The following HS6ST3 variants were observed in gnomAD, a reference collection of about 807,000 sequenced individuals.
The protein encoded by HS6ST3 is heparan sulfate 6-O-sulfotransferase 3.
In HS6ST3, 12 loss-of-function variants were observed where a neutral mutation model predicts 36.7. That is an observed-to-expected ratio of 0.33 (90% confidence interval 0.21 to 0.53). The LOEUF (loss-of-function observed/expected upper bound fraction) is 0.53, where lower values mean the gene tolerates loss of function less well. HS6ST3 is among the 20% of genes least tolerant of loss of function. HS6ST3 has a pLI of 0.95. For synonymous variants in HS6ST3, 240 were observed against 257.5 expected (o/e 0.93, Z 0.65); for missense variants, 584 against 640.9 (o/e 0.91, Z 0.96).
intron 1 of HS6ST3, among the ~76,000 whole-genome samples, chr13:96,162,419 A>C (rs2054139895): frequency 6.6e-6 from 1 of 152,228 alleles, no homozygotes; most frequent in South Asian, 2.1e-4. Flanking sequence ...GCCACTGAAT[A>C]CTGGAAGAAA....
At chr13:96,459,856 G>A (rs924781047) in intron 1 of HS6ST3, among the ~76,000 whole-genome samples, 6 of 152,084 alleles carry the variant, frequency 3.9e-5, no homozygotes, top group South Asian at 2.1e-4. Context: ...AGCTGGGTAC[G>A]GTGTGTGCAT....
At chr13:96,797,781 G>A (rs746467179) in intron 1 of HS6ST3, among the ~76,000 whole-genome samples, 5 of 152,086 alleles carry the variant, frequency 3.3e-5, no homozygotes, top group Non-Finnish European at 5.9e-5. Flanking sequence ...ACCAAGCAGT[G>A]TGTGGGGATT....
At chr13:96,314,412 A>G (rs140921767) in intron 1 of HS6ST3, among the ~76,000 whole-genome samples, 25 of 152,272 alleles carry the variant, frequency 1.6e-4, no homozygotes, top group Admixed American at 4.6e-4. Context: ...TAACTTTATT[A>G]TTTTTCAGAT....
At chr13:96,576,785 A>T (rs1329335888) in intron 1 of HS6ST3, among the ~76,000 whole-genome samples, 1 of 151,818 alleles carries the variant, frequency 6.6e-6, no homozygotes, top group South Asian at 2.1e-4. Context: ...TCTACTAAAA[A>T]TATAAAAAAT....
At chr13:96,358,901 TATCTATCTATCTATCTAGAG>T (rs1291373911) in intron 1 of HS6ST3, among the ~76,000 whole-genome samples, 1 of 152,046 alleles carries the variant, frequency 6.6e-6, no homozygotes, top group African/African-American at 2.4e-5. Flanking sequence ...TCTATCTATC[TATCTATCTATCTATCTAGAG>T]AGAGATGACA....
intron 1 of HS6ST3, among the ~76,000 whole-genome samples, chr13:96,714,650 T>G (rs975248977): frequency 3.3e-5 from 5 of 152,198 alleles, no homozygotes; most frequent in African/African-American, 1.2e-4. Context: ...CTACATAGCC[T>G]AGAACAATGC....
chr13:96,692,361 A>G (rs1416866321), intron 1 of HS6ST3, among the ~76,000 whole-genome samples: 1 of 152,114 alleles, frequency 6.6e-6, no homozygotes, highest in African/African-American at 2.4e-5. Flanking sequence ...TTGTTATAAC[A>G]TATTATTTAG....
chr13:96,515,296 C>A (rs374219368), intron 1 of HS6ST3, among the ~76,000 whole-genome samples: 3 of 152,260 alleles, frequency 2.0e-5, no homozygotes, highest in East Asian at 3.9e-4. Flanking sequence ...TTGAATGAGT[C>A]CACAGTACAC....
chr13:96,597,188 G>C (rs534868925), intron 1 of HS6ST3, among the ~76,000 whole-genome samples: 1 of 152,172 alleles, frequency 6.6e-6, no homozygotes, highest in African/African-American at 2.4e-5. Context: ...GAGCCTACTG[G>C]AGGGCGAAGG....
chr13:96,197,065 A>T (rs2054317926), intron 1 of HS6ST3, among the ~76,000 whole-genome samples: 1 of 152,262 alleles, frequency 6.6e-6, no homozygotes, highest in Admixed American at 6.5e-5. Context: ...CAATGACATG[A>T]CAAGTGATTG....
chr13:96,326,481 T>A (rs1047052863), intron 1 of HS6ST3, among the ~76,000 whole-genome samples: 3 of 152,026 alleles, frequency 2.0e-5, no homozygotes, highest in African/African-American at 7.2e-5. Flanking sequence ...CCCAGCTTCA[T>A]CCATGTCCCT....
intron 1 of HS6ST3, among the ~76,000 whole-genome samples, chr13:96,777,906 C>CCT (rs1877429888): frequency 6.6e-6 from 1 of 152,156 alleles, no homozygotes; most frequent in Non-Finnish European, 1.5e-5. Context: ...AGGCATCATG[C>CCT]TACCTGACTT....
At chr13:96,294,722 C>T (rs983648934) in intron 1 of HS6ST3, among the ~76,000 whole-genome samples, 1 of 152,070 alleles carries the variant, frequency 6.6e-6, no homozygotes, top group African/African-American at 2.4e-5. Context: ...CTAAACCAGG[C>T]TGTTTTTATT....
At chr13:96,763,620 C>T (rs1253972706) in intron 1 of HS6ST3, among the ~76,000 whole-genome samples, 2 of 152,078 alleles carry the variant, frequency 1.3e-5, no homozygotes, top group East Asian at 1.9e-4. Flanking sequence ...CTAACTGCAT[C>T]GAGTTCAAAT....
chr13:96,415,575 G>C (rs1246453191), intron 1 of HS6ST3, among the ~76,000 whole-genome samples: 1 of 152,206 alleles, frequency 6.6e-6, no homozygotes, highest in Non-Finnish European at 1.5e-5. Flanking sequence ...GGGGAAATAA[G>C]ACCAGCTTGC....
chr13:96,591,764 G>A (rs1342110761), intron 1 of HS6ST3, among the ~76,000 whole-genome samples: 1 of 152,004 alleles, frequency 6.6e-6, no homozygotes, highest in East Asian at 1.9e-4. Context: ...GGGCGTCCTT[G>A]TTGTGTTCCT....
At chr13:96,752,980 C>T (rs1486699335) in intron 1 of HS6ST3, among the ~76,000 whole-genome samples, 6 of 152,098 alleles carry the variant, frequency 3.9e-5, no homozygotes, top group African/African-American at 1.4e-4. Flanking sequence ...ATTGTTTCCC[C>T]CACATATCGC....
intron 1 of HS6ST3, among the ~76,000 whole-genome samples, chr13:96,315,556 A>C (rs1174262783): frequency 6.6e-6 from 1 of 152,124 alleles, no homozygotes; most frequent in Non-Finnish European, 1.5e-5. Context: ...CCTATATAGA[A>C]TGTTCCAAAG....
Position 96,583,204 on chromosome 13 carries a change from C to CTTTTTTTTTTTTTTTTTTT in HS6ST3, c.708-249277_708-249259dup, listed in dbSNP as rs71292889. Among the ~76,000 whole-genome samples, 105 of 52,930 alleles carry CTTTTTTTTTTTTTTTTTTT rather than the reference C, an allele frequency of 2.0e-3. 27 individuals are homozygous for CTTTTTTTTTTTTTTTTTTT. The highest frequency in any genetic ancestry group is 2.3e-3 in the African/African-American group (28 of 12,428). 34.7% of individuals were successfully genotyped at this position (52,930 alleles called of 152,430 possible). On this transcript the variant is annotated intron_variant, in intron 1 of 1. Coordinates refer to ENST00000376705, the MANE Select transcript of HS6ST3 (RefSeq NM_153456.4). ...AATGGCTTCAATTTCTTTTTCTTTT[C>CTTTTTTTTTTTTTTTTTTT]TTTTTTTTTTTTTTTTTTTTTTTTT... is the stretch of plus-strand genomic sequence containing the variant.
Sources: gnomAD v4.1 joint callset for allele counts (sites outside exome capture counted in the v4.1 genomes callset) on GRCh38, gnomAD v4.1.1 for gene constraint, MANE v1.5 for transcripts, NCBI Gene and HGNC (gene_info 2026-07-23, HGNC 2026-07-21) for gene names.